The following DGKB variants were observed in gnomAD, a reference collection of about 807,000 sequenced individuals.
DGKB encodes the protein 90 kDa diacylglycerol kinase.
DGKB carries 67 observed loss-of-function variants against 114.3 expected under a neutral mutation model. The ratio of observed to expected loss-of-function variants is 0.59; its 90% CI spans 0.48 to 0.72. The LOEUF (loss-of-function observed/expected upper bound fraction) is 0.72, where lower values mean the gene tolerates loss of function less well. Ranked by LOEUF, DGKB falls within the 30% of genes least tolerant of loss-of-function variation. The probability of loss-of-function intolerance (pLI) is 0.00; values close to 1 mark genes in which losing one functional copy is unlikely to be tolerated. For synonymous variants in DGKB, 398 were observed against 323.1 expected (o/e 1.23, Z -2.49); for missense variants, 907 against 975.2 (o/e 0.93, Z 0.93).
chr7:14,403,627 G>C (rs1026896348), intron 21 of DGKB, among the ~76,000 whole-genome samples: 1 of 151,780 alleles, frequency 6.6e-6, no homozygotes, highest in African/African-American at 2.4e-5. Context: ...AGAACTCTTA[G>C]GGAACCCTAA....
chr7:14,451,703 T>C (rs933691276), intron 21 of DGKB, among the ~76,000 whole-genome samples: 9 of 152,006 alleles, frequency 5.9e-5, no homozygotes, highest in African/African-American at 1.9e-4. Context: ...TCAAAGCCAG[T>C]GAGTTGAGAA....
chr7:14,728,765 G>A (rs895356768), intron 5 of DGKB, among the ~76,000 whole-genome samples: 7 of 149,320 alleles, frequency 4.7e-5, no homozygotes, highest in Admixed American at 6.7e-5. Flanking sequence ...GTGCAGTGGC[G>A]CCATCTCAGC....
At chr7:14,464,968 A>C (rs575561594) in intron 21 of DGKB, among the ~76,000 whole-genome samples, 1 of 152,266 alleles carries the variant, frequency 6.6e-6, no homozygotes, top group East Asian at 1.9e-4. Context: ...TGGCTAGGTC[A>C]CTAAGTTGTG....
chr7:14,575,563 C>G (rs762353995), intron 19 of DGKB, among the ~76,000 whole-genome samples: 1 of 152,036 alleles, frequency 6.6e-6, no homozygotes, highest in Non-Finnish European at 1.5e-5. Context: ...GAAGATTAAG[C>G]AAGATAATGC....
Position 14,212,335 on chromosome 7 carries a change from T to C in DGKB, c.2123-34184A>G, listed in dbSNP as rs867680448. On this transcript the variant is annotated intron_variant, in intron 23 of 25. Coordinates refer to ENST00000402815, the MANE Select transcript of DGKB (RefSeq NM_001350709.2). ...CATGTTTTGTGATTTTACTCTCATG[T>C]TTTGTGATATTTACTCTCATGTTTT... Among the ~76,000 whole-genome samples, 2 of 42,330 alleles carry C rather than the reference T, an allele frequency of 4.7e-5. 1 individual carries two copies. The highest frequency in any genetic ancestry group is 2.0e-3 in the East Asian group (2 of 996). The allele number at this position is 42,330 out of a possible 152,430, so 27.8% of individuals were successfully genotyped here. A position where few individuals can be genotyped will look rare whatever the true frequency, so the allele number is the denominator to read the frequency against.
chr7:14,523,716 T>C (rs1435504362), intron 20 of DGKB, among the ~76,000 whole-genome samples: 2 of 152,112 alleles, frequency 1.3e-5, no homozygotes, highest in African/African-American at 4.8e-5. Context: ...TAAACAATAA[T>C]GAGGTATATG....
intron 2 of DGKB, among the ~76,000 whole-genome samples, chr7:14,830,503 T>A (rs1292520031): frequency 6.6e-6 from 1 of 152,138 alleles, no homozygotes; most frequent in Non-Finnish European, 1.5e-5. Context: ...AAAGCTGTAG[T>A]TACTAGCATT....
intron 1 of DGKB, among the ~76,000 whole-genome samples, chr7:14,956,761 A>G (rs1786527169): frequency 6.6e-6 from 1 of 151,996 alleles, no homozygotes; most frequent in African/African-American, 2.4e-5. Flanking sequence ...AGTGCAATGG[A>G]GCAGATGTAA....
At chr7:14,672,058 A>G (rs1819054570) in intron 13 of DGKB, among the ~76,000 whole-genome samples, 1 of 152,002 alleles carries the variant, frequency 6.6e-6, no homozygotes, top group Non-Finnish European at 1.5e-5. Flanking sequence ...AAATAAAGGC[A>G]TTTAAAATAC....
At chr7:14,374,113 G>T (rs1818113031) in intron 21 of DGKB, among the ~76,000 whole-genome samples, 2 of 151,742 alleles carry the variant, frequency 1.3e-5, no homozygotes, top group South Asian at 4.2e-4. Flanking sequence ...GCAAACTCAG[G>T]GTCCACAACA....
chr7:14,875,272 T>G (rs1214859292), intron 1 of DGKB, among the ~76,000 whole-genome samples: 1 of 152,176 alleles, frequency 6.6e-6, no homozygotes, highest in African/African-American at 2.4e-5. Flanking sequence ...ATTTGCCACC[T>G]GGCTGTTTCT....
chr7:14,867,989 A>G (rs993214265), intron 1 of DGKB, among the ~76,000 whole-genome samples: 2 of 152,140 alleles, frequency 1.3e-5, no homozygotes, highest in African/African-American at 4.8e-5. Context: ...ATTGCACGAA[A>G]AGAGATACGG....
chr7:14,628,524 T>G (rs1253696957), intron 14 of DGKB, among the ~76,000 whole-genome samples: 3 of 152,202 alleles, frequency 2.0e-5, no homozygotes, highest in Admixed American at 6.5e-5. Context: ...CATTTCCAAT[T>G]AGAAGATCTG....
At chr7:14,970,419 G>A (rs12532019) in intron 1 of DGKB, among the ~76,000 whole-genome samples, 8,457 of 151,928 alleles carry the variant, frequency 0.056, 318 homozygotes, top group Non-Finnish European at 0.083. Context: ...ATGTAAAACT[G>A]TAAAACCTTG....
rs1209087894 is a variant in DGKB, at chr7:14,241,951, CACATAT to C, written c.2123-63806_2123-63801del. Among the ~76,000 whole-genome samples the C allele has an allele frequency of 6.4e-3, 496 of 77,574 alleles. 5 individuals carry two copies. The highest frequency in any genetic ancestry group is 9.6e-3 in the Admixed American group (76 of 7,902). The allele number at this position is 77,574 out of a possible 152,430, so 50.9% of individuals were successfully genotyped here. A position where few individuals can be genotyped will look rare whatever the true frequency, so the allele number is the denominator to read the frequency against. On this transcript the variant is annotated intron_variant, in intron 23 of 25. Coordinates refer to ENST00000402815, the MANE Select transcript of DGKB (RefSeq NM_001350709.2). Reference sequence around the variant, plus strand: ...ACACACATATAGATATATACACACACACATATACACACACACACACACACACACACA... The same window carrying C: ...ACACACATATAGATATATACACACACACACACACACACACACACACACACA...
At chr7:14,187,589 T>C (rs566173932) in intron 23 of DGKB, among the ~76,000 whole-genome samples, 2 of 152,242 alleles carry the variant, frequency 1.3e-5, no homozygotes, top group African/African-American at 4.8e-5. Context: ...ACTGAGGCAA[T>C]ATATATCACT....
chr7:14,221,451 T>G (rs1789956715), intron 23 of DGKB, among the ~76,000 whole-genome samples: 1 of 151,440 alleles, frequency 6.6e-6, no homozygotes, highest in Non-Finnish European at 1.5e-5. Context: ...TGGTTTTTAT[T>G]CTATTGCTAT....
At chr7:14,938,450 A>AT (rs1175073232) in intron 1 of DGKB, among the ~76,000 whole-genome samples, 1 of 152,174 alleles carries the variant, frequency 6.6e-6, no homozygotes, top group Admixed American at 6.5e-5. Flanking sequence ...CAGTTGCATT[A>AT]TTTTTCTTAT....
intron 2 of DGKB, among the ~76,000 whole-genome samples, chr7:14,834,149 TA>T (rs1311417585): frequency 1.3e-5 from 2 of 152,182 alleles, no homozygotes; most frequent in African/African-American, 2.4e-5. Context: ...AAGGATAAAG[TA>T]TCAACTTAAG....
Sources: gnomAD v4.1 joint callset for allele counts (sites outside exome capture counted in the v4.1 genomes callset) on GRCh38, gnomAD v4.1.1 for gene constraint, MANE v1.5 for transcripts, NCBI Gene and HGNC (gene_info 2026-07-23, HGNC 2026-07-21) for gene names.